Variants in FSTL4 observed in about 807,000 individuals in gnomAD.
FSTL4 encodes the protein follistatin-related protein 4.
A neutral mutation model predicts 78.2 loss-of-function variants in FSTL4; 28 were observed. The observed-to-expected ratio is 0.36, with a 90% CI of 0.27 to 0.49. FSTL4 has a LOEUF of 0.49. Ranked by LOEUF, FSTL4 falls within the 20% of genes least tolerant of loss-of-function variation. The pLI is 0.98. For missense variants in FSTL4, 922 were observed against 1,084.9 expected (o/e 0.85, Z 2.11); for synonymous variants, 422 against 440.5 (o/e 0.96, Z 0.53).
At chr5:133,206,961 C>A (rs1471550631) in intron 14 of FSTL4, among the ~76,000 whole-genome samples, 1 of 151,950 alleles carries the variant, frequency 6.6e-6, no homozygotes, top group African/African-American at 2.4e-5. Context: ...CTTTTGAGAC[C>A]ATTGGTAGTT....
the FSTL4 span, among the ~76,000 whole-genome samples, chr5:133,751,599 T>A: frequency 6.6e-6 from 1 of 152,180 alleles, no homozygotes; most frequent in African/African-American, 2.4e-5. Context: ...GAGAGACAGA[T>A]GCTCCCACGA....
the FSTL4 span, among the ~76,000 whole-genome samples, chr5:133,726,921 A>AT: frequency 6.6e-6 from 1 of 152,096 alleles, no homozygotes; most frequent in African/African-American, 2.4e-5. Flanking sequence ...CATCTTTTTC[A>AT]TTTTTTTCAA....
chr5:133,550,012 T>A (rs1759660260), intron 3 of FSTL4, among the ~76,000 whole-genome samples: 2 of 152,204 alleles, frequency 1.3e-5, no homozygotes, highest in South Asian at 4.1e-4. Context: ...TAGGCTTGAC[T>A]CCTGTCCCCA....
At chr5:133,493,478 A>T (rs1758310190) in intron 3 of FSTL4, among the ~76,000 whole-genome samples, 1 of 152,242 alleles carries the variant, frequency 6.6e-6, no homozygotes, top group South Asian at 2.1e-4. Flanking sequence ...TACTTGCCAC[A>T]TTCCTTGACC....
chr5:133,823,298 G>T, the FSTL4 span, among the ~76,000 whole-genome samples: 1 of 152,170 alleles, frequency 6.6e-6, no homozygotes, highest in Non-Finnish European at 1.5e-5. Context: ...GTGTCCCACA[G>T]CAGCCCTGCT....
chr5:133,709,915 A>G, the FSTL4 span, among the ~76,000 whole-genome samples: 2 of 152,204 alleles, frequency 1.3e-5, no homozygotes, highest in South Asian at 2.1e-4. Context: ...CAGAAGCCCA[A>G]TATGCTCTCC....
At chr5:133,217,153 T>C in intron 13 of FSTL4, 76 bp downstream of exon 13, 1 of 1,238,712 alleles carries the variant, frequency 8.1e-7, no homozygotes, top group Non-Finnish European at 1.2e-6. Context: ...CTGGGGAGTA[T>C]GCAGAAAGCA....
chr5:133,649,917 G>A, the FSTL4 span, among the ~76,000 whole-genome samples: 1 of 143,664 alleles, frequency 7.0e-6, no homozygotes, highest in Non-Finnish European at 1.5e-5. Context: ...CTGAGGCCAA[G>A]TAATTTATCA....
At chr5:133,532,101 A>G (rs546796618) in intron 3 of FSTL4, among the ~76,000 whole-genome samples, 1 of 152,332 alleles carries the variant, frequency 6.6e-6, no homozygotes, top group South Asian at 2.1e-4. Flanking sequence ...AGGTCCTTCT[A>G]AAAGAGAGGC....
the FSTL4 span, among the ~76,000 whole-genome samples, chr5:133,627,176 A>C: frequency 1.5e-5 from 1 of 65,326 alleles, no homozygotes; most frequent in South Asian, 4.5e-4. Context: ...TTTTTTTGCT[A>C]TGAAGTCTAC....
At chr5:133,575,535 G>C (rs767573523) in intron 2 of FSTL4, among the ~76,000 whole-genome samples, 1 of 152,184 alleles carries the variant, frequency 6.6e-6, no homozygotes, top group Non-Finnish European at 1.5e-5. Context: ...TACCATTCAT[G>C]AAAAGAGCTA....
chr5:133,239,531 C>A lies in FSTL4; in HGVS notation c.895-5994G>T, dbSNP rs1234130463. On this transcript the variant is annotated intron_variant, in intron 7 of 15. Transcript: ENST00000265342. ...AGGTTTGTCAACACACGAATCAGCA[C>A]CCTGTGTCTAGCTCATGGTTTGTGA... 3.3e-5 allele frequency among the ~76,000 whole-genome samples: 5 copies of A among 152,234 alleles called. No individual in the cohort carries two copies. In the East Asian group the frequency reaches 9.7e-4, roughly 29 times the overall value.
the FSTL4 span, among the ~76,000 whole-genome samples, chr5:133,704,616 T>C: frequency 6.6e-6 from 1 of 152,244 alleles, no homozygotes; most frequent in South Asian, 2.1e-4. Context: ...CAGGGGCATG[T>C]CTTGATTCAA....
chr5:133,524,369 G>C (rs1759046615), intron 3 of FSTL4, among the ~76,000 whole-genome samples: 1 of 152,172 alleles, frequency 6.6e-6, no homozygotes, highest in Non-Finnish European at 1.5e-5. Context: ...CATGATAAAG[G>C]GAAAAGGCTT....
chr5:133,729,935 T>C, the FSTL4 span, among the ~76,000 whole-genome samples: 1 of 152,092 alleles, frequency 6.6e-6, no homozygotes. Context: ...CACCTGACAC[T>C]CTTGACTCTC....
the FSTL4 span, among the ~76,000 whole-genome samples, chr5:133,794,084 C>T: frequency 6.6e-6 from 1 of 152,308 alleles, no homozygotes; most frequent in African/African-American, 2.4e-5. Context: ...TATGCACGCC[C>T]TTGAACATGG....
the FSTL4 span, among the ~76,000 whole-genome samples, chr5:133,710,753 C>T: frequency 6.6e-6 from 1 of 152,184 alleles, no homozygotes; most frequent in African/African-American, 2.4e-5. Context: ...AGTAAATTGG[C>T]AAATAACCAA....
intron 3 of FSTL4, among the ~76,000 whole-genome samples, chr5:133,451,391 T>C (rs1478091787): frequency 1.3e-5 from 2 of 149,094 alleles, no homozygotes; most frequent in African/African-American, 2.5e-5. Context: ...CAAAACTCTG[T>C]CTCTACTAAA....
At chr5:133,215,371 A>T (rs895224128) in intron 13 of FSTL4, among the ~76,000 whole-genome samples, 3 of 152,172 alleles carry the variant, frequency 2.0e-5, no homozygotes, top group African/African-American at 7.2e-5. Context: ...TATGGTGACG[A>T]TACCCAAATC....
Sources: gnomAD v4.1 joint callset for allele counts (sites outside exome capture counted in the v4.1 genomes callset) on GRCh38, gnomAD v4.1.1 for gene constraint, MANE v1.5 for transcripts, NCBI Gene and HGNC (gene_info 2026-07-23, HGNC 2026-07-21) for gene names.